Variants in RTN4 observed in about 807,000 individuals in gnomAD.
RTN4 encodes reticulon-4.
Under a neutral mutation model 90.4 loss-of-function variants are expected in RTN4, and 32 were observed. The ratio of observed to expected loss-of-function variants is 0.35; its 90% CI spans 0.27 to 0.48. RTN4 has a LOEUF of 0.48. RTN4 is among the 20% of genes least tolerant of loss of function. The pLI is 0.99. For synonymous variants in RTN4, 629 were observed against 552.5 expected (o/e 1.14, Z -1.94); for missense variants, 1,706 against 1,430.2 (o/e 1.19, Z -3.11).
rs760157944 is a variant in RTN4, at chr2:55,027,127, G to A, written c.972C>T (p.Ile324=). 1.2e-5 allele frequency: 19 copies of A among 1,612,984 alleles called. 1 individual carries two copies. Among genetic ancestry groups the A allele is most frequent in the Admixed American group, 3.3e-5 (2 of 59,796 alleles). The change falls in exon 3 of 9, where the codon ATC becomes ATT. Residue 324 remains isoleucine, a synonymous_variant. Coordinates refer to ENST00000337526, the MANE Select transcript of RTN4 (RefSeq NM_020532.5). ...TCTCTTCTTCATCTTTATTTTTCAC[G>A]ATTATTTCTTCCCTAGGATTTGCTA... The part of the protein sequence containing the change: ...VIVANPREEI[I]VKNKDEEEKL...
rs1306251985 is a variant in RTN4, at chr2:55,049,864, G to C, written c.437C>G (p.Pro146Arg). The part of the protein sequence containing the change: ...DDEPPARPPP[P>R]PPASVSPQAE... ...CTGGGGGCTCACGCTGGCCGGGGGA[G>C]GAGGGGGAGGCCGGGCCGGAGGCTC... Residue 146 changes from proline (P) to arginine (R), a missense_variant, in exon 1 of 9, where the codon CCT becomes CGT. Coordinates refer to ENST00000337526, the MANE Select transcript of RTN4 (RefSeq NM_020532.5). The C allele has an allele frequency of 3.0e-6, 4 of 1,317,710 alleles. No individual in the cohort carries two copies. Among genetic ancestry groups the C allele is most frequent in the Non-Finnish European group, 2.9e-6 (3 of 1,037,280 alleles). The allele number at this position is 1,317,710 out of a possible 1,614,324, so 81.6% of individuals were successfully genotyped here. A position where few individuals can be genotyped will look rare whatever the true frequency, so the allele number is the denominator to read the frequency against.
chr2:55,057,101 G>A (rs531811943), intron 2 of RTN4, among the ~76,000 whole-genome samples: 8 of 152,304 alleles, frequency 5.3e-5, no homozygotes, highest in African/African-American at 1.7e-4. Flanking sequence ...GCCCATCCAT[G>A]GATGTCAATA....
At chr2:55,117,081 T>C (rs930888548), upstream of RTN4, among the ~76,000 whole-genome samples, 1 of 152,064 alleles carries the variant, frequency 6.6e-6, no homozygotes, top group African/African-American at 2.4e-5. Context: ...ATCATGTTGA[T>C]CAGGCCAGTC....
At chr2:54,994,013 A>G (rs542776202) in intron 3 of RTN4, among the ~76,000 whole-genome samples, 1 of 152,372 alleles carries the variant, frequency 6.6e-6, no homozygotes, top group African/African-American at 2.4e-5. Flanking sequence ...ACATTTGCCA[A>G]CAAAATTTCT....
At chr2:55,064,098 T>C (rs992985926) in intron 2 of RTN4, among the ~76,000 whole-genome samples, 2 of 151,484 alleles carry the variant, frequency 1.3e-5, no homozygotes, top group South Asian at 2.1e-4. Context: ...GGTGTGTACC[T>C]GTAGTCCCAG....
intron 4 of RTN4, among the ~76,000 whole-genome samples, chr2:54,983,519 G>C (rs1464901370): frequency 6.6e-6 from 1 of 152,056 alleles, no homozygotes; most frequent in African/African-American, 2.4e-5. Flanking sequence ...CTATGTCTCA[G>C]GATGCCAGTT....
intron 6 of RTN4, 91 bp from the exon 7 acceptor site, chr2:54,973,958 T>C (rs749587246): frequency 3.0e-5 from 34 of 1,120,758 alleles, no homozygotes; most frequent in Middle Eastern, 2.4e-4. Context: ...CAACTCAAGA[T>C]AACCAAGCAG....
intron 1 of RTN4, among the ~76,000 whole-genome samples, chr2:55,091,648 C>G (rs1232737051): frequency 6.6e-6 from 1 of 152,110 alleles, no homozygotes; most frequent in Non-Finnish European, 1.5e-5. Context: ...GGCAATATAG[C>G]AGGATACTGT....
intron 3 of RTN4, among the ~76,000 whole-genome samples, chr2:55,018,044 C>G (rs1243595088): frequency 5.3e-5 from 8 of 152,290 alleles, no homozygotes; most frequent in African/African-American, 1.7e-4. Context: ...AGCCCAATGT[C>G]TGAAACACGG....
intron 4 of RTN4, among the ~76,000 whole-genome samples, chr2:54,985,790 C>A (rs1048252419): frequency 5.9e-5 from 9 of 152,174 alleles, no homozygotes; most frequent in Non-Finnish European, 1.3e-4. Context: ...TCAACTGGAT[C>A]ATGTTGTAGG....
At chr2:54,984,971 T>C (rs1328541024) in intron 4 of RTN4, among the ~76,000 whole-genome samples, 1 of 152,036 alleles carries the variant, frequency 6.6e-6, no homozygotes, top group East Asian at 1.9e-4. Context: ...AATAAAGTTG[T>C]TTCTAAGAAG....
chr2:55,081,044 C>T (rs957183401), intron 1 of RTN4, among the ~76,000 whole-genome samples: 4 of 151,474 alleles, frequency 2.6e-5, no homozygotes, highest in Non-Finnish European at 5.9e-5. Flanking sequence ...TTCCCTCTTT[C>T]CTTCCTTTCT....
rs138739325 is a variant in RTN4 at position 55,007,168 on chromosome 2, C to T, written c.3013+17918G>A. Among the ~76,000 whole-genome samples, 4 of 152,252 alleles carry T rather than the reference C, an allele frequency of 2.6e-5. No homozygotes were observed. In the East Asian group the frequency reaches 7.7e-4, roughly 29 times the overall value. The stretch of plus-strand genomic sequence containing the variant: ...CATGTTGCCCCTTGAGTCTTTACAC[C>T]TCATCCTTGTCCTGCAAATCTATAC... On this transcript the variant is annotated intron_variant, in intron 3 of 8. Coordinates refer to ENST00000337526, the MANE Select transcript of RTN4 (RefSeq NM_020532.5).
chr2:55,122,080 C>T, the RTN4 span, among the ~76,000 whole-genome samples: 1 of 151,942 alleles, frequency 6.6e-6, no homozygotes, highest in Non-Finnish European at 1.5e-5. Context: ...TCACTGCAGC[C>T]TCAACCTCCT....
At chr2:55,003,426 G>C (rs902025701) in intron 3 of RTN4, among the ~76,000 whole-genome samples, 1 of 151,914 alleles carries the variant, frequency 6.6e-6, no homozygotes, top group African/African-American at 2.4e-5. Context: ...ATGCCTAAGG[G>C]GCAGCTGAAT....
At chr2:55,071,805 A>G (rs1002069708) in intron 2 of RTN4, among the ~76,000 whole-genome samples, 21 of 152,178 alleles carry the variant, frequency 1.4e-4, no homozygotes, top group Non-Finnish European at 2.9e-4. Context: ...GAAGGGAGGG[A>G]AAAAGTTGTA....
chr2:54,987,597 C>T lies in RTN4; in HGVS notation c.3115G>A (p.Val1039Ile), dbSNP rs200640197. 6.2e-6 allele frequency: 10 copies of T among 1,613,936 alleles called. No individual in the cohort carries two copies. Among genetic ancestry groups the T allele is most frequent in the South Asian group, 2.2e-5 (2 of 91,086 alleles). ...AGGGCCAAGGCAATGTAGGCTGTTA[C>T]GCTCACAATGCTGAATACTGTCAAT... ...LSLTVFSIVS[V>I]TAYIALALLS... Residue 1039 changes from valine to isoleucine, a missense_variant, in exon 4 of 9, where the codon GTA becomes ATA. Val to Ile is a conservative substitution (Grantham distance 29). Coordinates refer to ENST00000337526, the MANE Select transcript of RTN4 (RefSeq NM_020532.5).
intron 1 of RTN4, among the ~76,000 whole-genome samples, chr2:55,082,303 G>A (rs1668736193): frequency 6.6e-6 from 1 of 152,102 alleles, no homozygotes; most frequent in Non-Finnish European, 1.5e-5. Flanking sequence ...CTCGGCAATT[G>A]TTTTGTAAGT....
At chr2:54,976,629 A>C (rs894437142) in intron 5 of RTN4, among the ~76,000 whole-genome samples, 2 of 152,236 alleles carry the variant, frequency 1.3e-5, no homozygotes, top group African/African-American at 4.8e-5. Flanking sequence ...GGCCCAAAAC[A>C]GAAATAGTGG....
Sources: allele counts gnomAD v4.1 joint callset (sites outside exome capture counted in the v4.1 genomes callset), GRCh38; gene constraint gnomAD v4.1.1; transcripts MANE v1.5; gene names NCBI Gene and HGNC (gene_info 2026-07-23, HGNC 2026-07-21).